The following ERBB4 variants were observed in gnomAD, a reference collection of about 807,000 sequenced individuals.
The protein encoded by ERBB4 is erb-b2 receptor tyrosine kinase 4, also known as receptor tyrosine-protein kinase erbB-4.
In ERBB4, 42 loss-of-function variants were observed where a neutral mutation model predicts 158.0. The observed-to-expected ratio is 0.27, with a 90% CI of 0.21 to 0.34. The LOEUF (loss-of-function observed/expected upper bound fraction) is 0.34. Ranked by LOEUF, ERBB4 falls within the 10% of genes least tolerant of loss-of-function variation. ERBB4 has a pLI of 1.00. For synonymous variants in ERBB4, 583 were observed against 558.7 expected (o/e 1.04, Z -0.61); for missense variants, 1,333 against 1,624.1 (o/e 0.82, Z 3.08).
intron 3 of ERBB4, among the ~76,000 whole-genome samples, chr2:211,874,624 C>G (rs1005486742): frequency 1.3e-4 from 20 of 152,174 alleles, no homozygotes; most frequent in African/African-American, 4.6e-4. Flanking sequence ...GTGCTCTCTC[C>G]ATACTAGAGT....
At chr2:212,086,270 A>T (rs2078605529) in intron 2 of ERBB4, among the ~76,000 whole-genome samples, 1 of 151,896 alleles carries the variant, frequency 6.6e-6, no homozygotes, top group Non-Finnish European at 1.5e-5. Flanking sequence ...CACTAATAGC[A>T]GGAAATACGA....
chr2:212,408,616 T>A (rs749234384), intron 1 of ERBB4, among the ~76,000 whole-genome samples: 1 of 152,088 alleles, frequency 6.6e-6, no homozygotes, highest in Non-Finnish European at 1.5e-5. Context: ...GAATAGCCAC[T>A]GCACTCTAGC....
At chr2:211,542,003 A>G (rs1416741755) in intron 20 of ERBB4, among the ~76,000 whole-genome samples, 1 of 150,992 alleles carries the variant, frequency 6.6e-6, no homozygotes, top group Non-Finnish European at 1.5e-5. Context: ...GGTAGGGTCC[A>G]CATTTTTTTT....
intron 2 of ERBB4, among the ~76,000 whole-genome samples, chr2:212,055,596 C>G (rs189574064): frequency 6.6e-6 from 1 of 152,346 alleles, no homozygotes; most frequent in African/African-American, 2.4e-5. Context: ...GGGGAACAAT[C>G]AGGCAGCAAC....
intron 2 of ERBB4, among the ~76,000 whole-genome samples, chr2:211,969,415 A>C (rs985946116): frequency 6.6e-6 from 1 of 152,072 alleles, no homozygotes; most frequent in Non-Finnish European, 1.5e-5. Context: ...AATAATATTT[A>C]TGCTAATTGT....
intron 1 of ERBB4, among the ~76,000 whole-genome samples, chr2:212,451,314 A>G (rs1371158308): frequency 6.6e-6 from 1 of 152,256 alleles, no homozygotes; most frequent in Admixed American, 6.5e-5. Flanking sequence ...AAGAATTTAT[A>G]GCCATGTATC....
chr2:212,210,799 G>C (rs1360655315), intron 1 of ERBB4, among the ~76,000 whole-genome samples: 2 of 152,062 alleles, frequency 1.3e-5, no homozygotes, highest in Non-Finnish European at 2.9e-5. Context: ...TCTGAGGGAT[G>C]TCATGGTTTC....
rs539470306 is a variant in ERBB4, at chr2:211,738,705, C to T, written c.622+11934G>A. Among the ~76,000 whole-genome samples, 3 of 149,356 alleles carry T rather than the reference C, an allele frequency of 2.0e-5. No homozygotes were observed. In the South Asian group the frequency reaches 6.4e-4, roughly 32 times the overall value. On this transcript the variant is annotated intron_variant, in intron 5 of 27. Coordinates refer to ENST00000342788, the MANE Select transcript of ERBB4 (RefSeq NM_005235.3). ...TTTTTTGAGATGGAGTTTCCTCTGT[C>T]GCCCAGACTAGAGTGCAATGGTGTG...
intron 2 of ERBB4, among the ~76,000 whole-genome samples, chr2:212,060,238 T>C (rs1289276868): frequency 6.6e-6 from 1 of 151,906 alleles, no homozygotes; most frequent in Admixed American, 6.6e-5. Flanking sequence ...ATCAGAGAAA[T>C]GCAAATCAAA....
chr2:211,439,427 G>A (rs1343447504), intron 20 of ERBB4, among the ~76,000 whole-genome samples: 1 of 152,192 alleles, frequency 6.6e-6, no homozygotes, highest in Non-Finnish European at 1.5e-5. Context: ...TTATGTGGAA[G>A]GAAGTGTTTT....
chr2:212,025,684 G>T (rs1307194539), intron 2 of ERBB4, among the ~76,000 whole-genome samples: 2 of 151,640 alleles, frequency 1.3e-5, no homozygotes, highest in Non-Finnish European at 3.0e-5. Flanking sequence ...TTTAGGTAAT[G>T]AGAGCTTCCC....
chr2:211,580,148 C>A (rs975948350), intron 19 of ERBB4, among the ~76,000 whole-genome samples: 3 of 152,070 alleles, frequency 2.0e-5, no homozygotes, highest in Admixed American at 2.0e-4. Context: ...TGAATTAAAG[C>A]AGTCTGTGGT....
chr2:211,606,987 T>C (rs1276284563), intron 19 of ERBB4, among the ~76,000 whole-genome samples: 1 of 152,156 alleles, frequency 6.6e-6, no homozygotes, highest in Admixed American at 6.5e-5. Context: ...GAGCTGACAA[T>C]TTTTAATTTA....
chr2:212,481,668 A>C (rs560074643), intron 1 of ERBB4, among the ~76,000 whole-genome samples: 3 of 152,314 alleles, frequency 2.0e-5, no homozygotes, highest in Non-Finnish European at 4.4e-5. Context: ...CACCCAGAAG[A>C]AGCACAACAA....
rs978721631 is a variant in ERBB4, at chr2:211,957,696, T to C, written c.235-10080A>G. On this transcript the variant is annotated intron_variant, in intron 2 of 27. Coordinates refer to ENST00000342788, the MANE Select transcript of ERBB4 (RefSeq NM_005235.3). ...AGCTATCACTCAGTATTAGTTTCTA[T>C]TGTTTTTCTGAATCCAGAACTCCTT... Among the ~76,000 whole-genome samples, 12 of 152,142 alleles carry C rather than the reference T, an allele frequency of 7.9e-5. No individual in the cohort carries two copies. The South Asian group carries it at 2.5e-3, about 32-fold the overall frequency.
chr2:211,423,119 G>A (rs2125409338), intron 23 of ERBB4, among the ~76,000 whole-genome samples: 1 of 151,984 alleles, frequency 6.6e-6, no homozygotes, highest in East Asian at 1.9e-4. Flanking sequence ...ATGCCAAGAT[G>A]CTAATGAGAA....
chr2:211,550,221 A>G (rs1003616313), intron 20 of ERBB4, among the ~76,000 whole-genome samples: 1 of 152,188 alleles, frequency 6.6e-6, no homozygotes. Context: ...TATACAACAC[A>G]TCATTGTTAG....
intron 19 of ERBB4, among the ~76,000 whole-genome samples, chr2:211,604,432 G>C (rs543560614): frequency 8.0e-4 from 121 of 152,196 alleles, no homozygotes; most frequent in African/African-American, 2.7e-3. Context: ...ACTTGAGAAG[G>C]ATAAACCCAA....
chr2:211,790,851 G>A (rs1303052796), intron 3 of ERBB4, among the ~76,000 whole-genome samples: 1 of 151,870 alleles, frequency 6.6e-6, no homozygotes, highest in East Asian at 1.9e-4. Flanking sequence ...GAATGTCAAA[G>A]CCTCACAGTC....
Sources: gnomAD v4.1 joint callset for allele counts (sites outside exome capture counted in the v4.1 genomes callset) on GRCh38, gnomAD v4.1.1 for gene constraint, MANE v1.5 for transcripts, NCBI Gene and HGNC (gene_info 2026-07-23, HGNC 2026-07-21) for gene names.